Variants in ERI1 observed in about 807,000 individuals in gnomAD.
ERI1 encodes exoribonuclease 1, also known as 3'-5' exoribonuclease 1.
A neutral mutation model predicts 39.7 loss-of-function variants in ERI1; 39 were observed. The ratio of observed to expected loss-of-function variants is 0.98; its 90% CI spans 0.76 to 1.28. The LOEUF is 1.28. Among genes scored for constraint, ERI1 ranks in the 50% most tolerant of loss-of-function variants. The pLI, the probability that ERI1 is intolerant of heterozygous loss-of-function variation, is 0.00. For synonymous variants in ERI1, 204 were observed against 149.6 expected, an observed-to-expected ratio of 1.36 and a Z score of -2.65; for missense variants, 581 against 416.9, an observed-to-expected ratio of 1.39 and a Z score of -3.43.
chr8:9,058,388 T>C (rs1222515263), intron 3 of ERI1, among the ~76,000 whole-genome samples: 3 of 152,224 alleles, frequency 2.0e-5, no homozygotes, highest in African/African-American at 7.2e-5. Flanking sequence ...GGAACACATT[T>C]ACTCATGGGC....
chr8:9,016,480 A>T (rs901398993), intron 4 of ERI1, 75 bp downstream of exon 4: 33 of 851,966 alleles, frequency 3.9e-5, no homozygotes, highest in East Asian at 1.7e-4. Context: ...TACATAATTT[A>T]AAAAAATTAT....
chr8:9,034,952 G>A (rs77859069), downstream of ERI1, among the ~76,000 whole-genome samples: 1,780 of 152,292 alleles, frequency 0.012, 37 homozygotes, highest in South Asian at 0.088. Context: ...AAGTTTTAGT[G>A]GTGTGGATAA....
intron 3 of ERI1, among the ~76,000 whole-genome samples, chr8:9,092,629 TGA>T (rs1349573663): frequency 6.6e-6 from 1 of 152,184 alleles, no homozygotes; most frequent in African/African-American, 2.4e-5. Context: ...GGCTGTGAGC[TGA>T]GAGCGCTGAG....
At chr8:9,083,535 C>G (rs1799432172) in intron 3 of ERI1, among the ~76,000 whole-genome samples, 1 of 151,884 alleles carries the variant, frequency 6.6e-6, no homozygotes, top group East Asian at 1.9e-4. Flanking sequence ...AGTATCCAGC[C>G]TTAGCAATCA....
intron 3 of ERI1, among the ~76,000 whole-genome samples, chr8:9,061,928 A>T (rs562903925): frequency 3.9e-5 from 6 of 152,034 alleles, no homozygotes; most frequent in Admixed American, 3.3e-4. Flanking sequence ...CATGTTTGAG[A>T]TCCAGAACAG....
At chr8:9,094,174 G>A (rs1799798414) in intron 3 of ERI1, among the ~76,000 whole-genome samples, 1 of 152,154 alleles carries the variant, frequency 6.6e-6, no homozygotes, top group Admixed American at 6.5e-5. Flanking sequence ...GAGGACAATT[G>A]AAACATTAGC....
chr8:9,052,416 C>T (rs925918306), intron 3 of ERI1, among the ~76,000 whole-genome samples: 3 of 152,136 alleles, frequency 2.0e-5, no homozygotes, highest in Non-Finnish European at 2.9e-5. Flanking sequence ...AGAACAGTCA[C>T]CTCCTATTCT....
chr8:9,012,424 A>G (rs1318829948), intron 3 of ERI1, among the ~76,000 whole-genome samples: 1 of 152,258 alleles, frequency 6.6e-6, no homozygotes, highest in Non-Finnish European at 1.5e-5. Context: ...TCAACTTTCC[A>G]AAAGTCACTT....
At chr8:9,097,727 A>C (rs1799921472) in intron 3 of ERI1, among the ~76,000 whole-genome samples, 1 of 152,106 alleles carries the variant, frequency 6.6e-6, no homozygotes, top group Non-Finnish European at 1.5e-5. Flanking sequence ...ACTTTTTTAA[A>C]AGAAAGAAAA....
chr8:9,015,144 T>C (rs1268335754), intron 3 of ERI1, among the ~76,000 whole-genome samples: 1 of 152,172 alleles, frequency 6.6e-6, no homozygotes, highest in Non-Finnish European at 1.5e-5. Context: ...GCCTCAGGTG[T>C]TCTTTTTTGT....
At chr8:9,004,076 C>G (rs1047512387) in intron 1 of ERI1, 3 of 1,289,070 alleles carry the variant, frequency 2.3e-6, no homozygotes, top group African/African-American at 3.0e-5. Flanking sequence ...GTTCCCAGTG[C>G]CCCTCGCTGC....
chr8:9,019,629 G>A (rs1041609799), intron 5 of ERI1, among the ~76,000 whole-genome samples: 24 of 152,136 alleles, frequency 1.6e-4, no homozygotes, highest in African/African-American at 4.6e-4. Flanking sequence ...GTGAGGTTGC[G>A]TCAAAGTATA....
intron 3 of ERI1, among the ~76,000 whole-genome samples, chr8:9,045,676 ATT>A (rs34131409): frequency 0.043 from 5,916 of 138,244 alleles, 348 homozygotes; most frequent in African/African-American, 0.15. Context: ...AATCTATAGA[ATT>A]TTTTTTTTTT....
chr8:9,029,287 G>C (rs896985665), intron 6 of ERI1, among the ~76,000 whole-genome samples: 11 of 152,114 alleles, frequency 7.2e-5, no homozygotes, highest in East Asian at 1.9e-4. Context: ...GATCCTGTCT[G>C]TATTTTCAGC....
At chr8:9,063,764 G>C (rs1224625977) in intron 3 of ERI1, among the ~76,000 whole-genome samples, 1 of 152,228 alleles carries the variant, frequency 6.6e-6, no homozygotes, top group Non-Finnish European at 1.5e-5. Context: ...AAAATTGAAA[G>C]TGCCGTTTTC....
In ERI1 at chr8:9,018,392, A is replaced by G; in HGVS notation, c.678A>G (p.Ser226=). 1 of 1,564,662 alleles carries G rather than the reference A, an allele frequency of 6.4e-7. No individual in the cohort carries two copies. Among genetic ancestry groups the G allele is most frequent in the Non-Finnish European group, 8.8e-7 (1 of 1,136,870 alleles). The part of the protein sequence containing the change: ...LKELGTKYKY[S]LLTDGSWDMS... ...AATTAGGAACAAAGTATAAATACTCACTTTTAACAGATGGGTAAGTATTTA... is the reference window on the plus strand; with the variant it reads ...AATTAGGAACAAAGTATAAATACTCGCTTTTAACAGATGGGTAAGTATTTA... The change falls in exon 5 of 7, where the codon TCA becomes TCG. Residue 226 remains serine (S), a synonymous_variant. Transcript: ENST00000250263.
chr8:9,086,172 G>A (rs1585297046), intron 3 of ERI1, among the ~76,000 whole-genome samples: 1 of 152,182 alleles, frequency 6.6e-6, no homozygotes, highest in Non-Finnish European at 1.5e-5. Flanking sequence ...CCAGAACTTT[G>A]GGAGGCCAAG....
intron 5 of ERI1, 115 bp from the exon 6 acceptor site, chr8:9,020,235 T>C: frequency 2.0e-6 from 1 of 510,262 alleles, no homozygotes; most frequent in Non-Finnish European, 3.4e-6. Flanking sequence ...CTCAGCTTGA[T>C]GTTACATTTG....
At chr8:9,027,674 C>G (rs1797278299) in intron 6 of ERI1, among the ~76,000 whole-genome samples, 1 of 152,148 alleles carries the variant, frequency 6.6e-6, no homozygotes, top group African/African-American at 2.4e-5. Flanking sequence ...AGGTAAGGGT[C>G]CAACTTCATT....
Sources: gnomAD v4.1 joint callset for allele counts (sites outside exome capture counted in the v4.1 genomes callset) on GRCh38, gnomAD v4.1.1 for gene constraint, MANE v1.5 for transcripts, NCBI Gene and HGNC (gene_info 2026-07-23, HGNC 2026-07-21) for gene names.